The following DNAH9 variants were observed in gnomAD, a reference collection of about 807,000 sequenced individuals.
DNAH9 encodes dynein axonemal heavy chain 9, also known as DNAH9 variant protein.
A neutral mutation model predicts 471.6 loss-of-function variants in DNAH9; 345 were observed. That is an observed-to-expected ratio of 0.73 (90% CI 0.67 to 0.80). The LOEUF (loss-of-function observed/expected upper bound fraction) is 0.80. DNAH9 is among the 30% of genes least tolerant of loss of function. The probability of loss-of-function intolerance (pLI) is 0.00; values close to 1 mark genes in which losing one functional copy is unlikely to be tolerated. For missense variants in DNAH9, 5,407 were observed against 5,609.2 expected (o/e 0.96, Z 1.15); for synonymous variants, 2,093 against 2,123.6 (o/e 0.99, Z 0.40).
chr17:11,695,709 C>G (rs180696687), intron 22 of DNAH9, among the ~76,000 whole-genome samples: 29 of 152,188 alleles, frequency 1.9e-4, no homozygotes, highest in African/African-American at 6.8e-4. Flanking sequence ...ACAGATTCCT[C>G]GGTCCCACTC....
chr17:11,880,248 G>T (rs764339063), intron 54 of DNAH9, 48 bp downstream of exon 54: 1 of 1,602,792 alleles, frequency 6.2e-7, no homozygotes, highest in South Asian at 1.1e-5. Context: ...CTGGTTCATG[G>T]CCCTGGTTAG....
intron 49 of DNAH9, among the ~76,000 whole-genome samples, chr17:11,839,447 C>T (rs770028130): frequency 1.3e-5 from 2 of 151,372 alleles, no homozygotes; most frequent in African/African-American, 2.4e-5. Context: ...ACCCCGGAGG[C>T]GGAGCTTGCA....
intron 17 of DNAH9, among the ~76,000 whole-genome samples, chr17:11,675,575 T>G (rs2074036249): frequency 6.6e-6 from 1 of 152,204 alleles, no homozygotes; most frequent in Non-Finnish European, 1.5e-5. Flanking sequence ...GCTGTGAGTT[T>G]TCTGTGGATT....
intron 68 of DNAH9, among the ~76,000 whole-genome samples, chr17:11,966,469 A>G (rs1412013817): frequency 2.0e-5 from 3 of 152,228 alleles, no homozygotes; most frequent in Non-Finnish European, 4.4e-5. Context: ...AGGAAATACT[A>G]AAGGGAGTCC....
intron 33 of DNAH9, among the ~76,000 whole-genome samples, chr17:11,754,846 G>T (rs1967306954): frequency 6.6e-6 from 1 of 152,098 alleles, no homozygotes; most frequent in African/African-American, 2.4e-5. Context: ...GATCCCATTT[G>T]TCAATTTTGC....
chr17:11,852,167 C>G (rs1567848513), intron 49 of DNAH9, among the ~76,000 whole-genome samples: 2 of 152,152 alleles, frequency 1.3e-5, no homozygotes, highest in African/African-American at 4.8e-5. Context: ...AAATAATTCT[C>G]TTTGTTTGTG....
rs1973575295 is a variant in DNAH9 at position 11,905,767 on chromosome 17, C to G, written c.11707C>G (p.Leu3903Val). ...SGPATPMFFI[L>V]SPGVDPLKDV... ...ACCAGCCACTCCTATGTTTTTCATCCTGTCTCCAGGGGTGGACCCACTGAA... is the reference window on the plus strand; with the variant it reads ...ACCAGCCACTCCTATGTTTTTCATCGTGTCTCCAGGGGTGGACCCACTGAA... The change falls in exon 61 of 69, where the codon CTG becomes GTG. Residue 3903 changes from leucine (L) to valine (V), a missense_variant. Physicochemically the swap from Leu to Val is conservative, Grantham distance 32 (BLOSUM62 1). This residue lies in a region of DNAH9 where 4,636 missense variants were observed against 4,900.3 expected (regional missense o/e 0.95). Coordinates refer to ENST00000262442, the MANE Select transcript of DNAH9 (RefSeq NM_001372.4). 6.2e-7 allele frequency: 1 copy of G among 1,614,056 alleles called. No individual in the cohort carries two copies. The highest frequency in any genetic ancestry group is 8.5e-7 in the Non-Finnish European group (1 of 1,179,978).
chr17:11,742,418 T>G (rs577193662), intron 30 of DNAH9, 105 bp downstream of exon 30: 1 of 1,187,630 alleles, frequency 8.4e-7, no homozygotes, highest in African/African-American at 1.5e-5. Context: ...AGCTTTCTCA[T>G]AGAAAGTCAC....
In DNAH9 at chr17:11,598,486, GA is replaced by G; in HGVS notation, c.-12del. The G allele has an allele frequency of 7.3e-7, 1 of 1,362,346 alleles. No homozygotes were observed. Among genetic ancestry groups the G allele is most frequent in the Non-Finnish European group, 9.4e-7 (1 of 1,065,670 alleles). 84.4% of individuals were successfully genotyped at this position (1,362,346 alleles called of 1,614,324 possible). ...GTCGCTAGGGAAACCGATGCAGCTGGAGGCCGCGCGCGATGCGGCTCGCGGA... is the reference window on the plus strand; with the variant it reads ...GTCGCTAGGGAAACCGATGCAGCTGGGGCCGCGCGCGATGCGGCTCGCGGA... On this transcript the variant is annotated 5_prime_UTR_variant, in exon 1 of 69. Coordinates refer to ENST00000262442, the MANE Select transcript of DNAH9 (RefSeq NM_001372.4).
intron 41 of DNAH9, among the ~76,000 whole-genome samples, chr17:11,790,874 AGC>A (rs1969041284): frequency 6.6e-6 from 1 of 152,120 alleles, no homozygotes; most frequent in South Asian, 2.1e-4. Flanking sequence ...TTTATAAATT[AGC>A]ATATTTATTA....
chr17:11,859,411 C>CA (rs34446360), intron 50 of DNAH9, among the ~76,000 whole-genome samples: 2,195 of 131,336 alleles, frequency 0.017, 38 homozygotes, highest in African/African-American at 0.048. Flanking sequence ...GACTCCGTCT[C>CA]AAAAAAAAAA....
chr17:11,620,134 G>A (rs988284815), intron 6 of DNAH9, among the ~76,000 whole-genome samples: 2 of 151,150 alleles, frequency 1.3e-5, no homozygotes, highest in African/African-American at 4.9e-5. Flanking sequence ...AGGATGGCTT[G>A]AGCATAGGAG....
intron 27 of DNAH9, among the ~76,000 whole-genome samples, chr17:11,723,770 T>C (rs1389919919): frequency 6.6e-6 from 1 of 151,988 alleles, no homozygotes; most frequent in African/African-American, 2.4e-5. Context: ...TGGGTTCACG[T>C]CATTCTCCTG....
chr17:11,838,394 T>C (rs543762892), intron 49 of DNAH9, among the ~76,000 whole-genome samples: 110 of 152,048 alleles, frequency 7.2e-4, no homozygotes, highest in Non-Finnish European at 9.7e-4. Flanking sequence ...TTAGCAGAAA[T>C]AAAAATTAAA....
chr17:11,797,826 T>C (rs375618252), intron 43 of DNAH9, 33 bp downstream of exon 43: 354 of 1,588,848 alleles, frequency 2.2e-4, no homozygotes, highest in Non-Finnish European at 2.9e-4. Context: ...TTTTCCTCAG[T>C]TGCTTCCTCT....
intron 66 of DNAH9, among the ~76,000 whole-genome samples, chr17:11,941,740 T>TAGATAGATAGATAGA (rs1567565671): frequency 6.8e-6 from 1 of 146,716 alleles, no homozygotes; most frequent in African/African-American, 2.5e-5. Context: ...AGATAGATAG[T>TAGATAGATAGATAGA]GATAGATTAG....
intron 22 of DNAH9, 57 bp from the exon 23 acceptor site, chr17:11,699,674 T>C: frequency 6.5e-7 from 1 of 1,537,558 alleles, no homozygotes; most frequent in South Asian, 1.1e-5. Flanking sequence ...TAAACAATTC[T>C]AATAAGCAGC....
intron 27 of DNAH9, among the ~76,000 whole-genome samples, chr17:11,719,867 G>A (rs2075024144): frequency 1.3e-5 from 2 of 152,096 alleles, no homozygotes; most frequent in Admixed American, 1.3e-4. Flanking sequence ...AGGCTCACAA[G>A]TAGCCAAGAT....
At chr17:11,890,041 C>T (rs1008779246) in intron 57 of DNAH9, among the ~76,000 whole-genome samples, 14 of 152,198 alleles carry the variant, frequency 9.2e-5, no homozygotes, top group Non-Finnish European at 1.5e-4. Context: ...ATAAAGAAAA[C>T]GCTAAATGTA....
Sources: allele counts gnomAD v4.1 joint callset (sites outside exome capture counted in the v4.1 genomes callset), GRCh38; gene constraint gnomAD v4.1.1; regional missense constraint gnomAD v4.1.1; transcripts MANE v1.5; gene names NCBI Gene and HGNC (gene_info 2026-07-23, HGNC 2026-07-21).